The following ATP11A variants were observed in gnomAD, a reference collection of about 807,000 sequenced individuals.
ATP11A encodes the protein phospholipid-transporting ATPase IH.
A neutral mutation model predicts 154.4 loss-of-function variants in ATP11A; 81 were observed. The ratio of observed to expected loss-of-function variants is 0.52; its 90% CI spans 0.44 to 0.63. The LOEUF is 0.63. Ranked by LOEUF, ATP11A falls within the 30% of genes least tolerant of loss-of-function variation. The pLI is 0.00. For missense variants in ATP11A, 1,316 were observed against 1,474.3 expected (o/e 0.89, Z 1.76); for synonymous variants, 623 against 585.9 (o/e 1.06, Z -0.91).
chr13:112,715,069 C>T (rs1025409999), intron 1 of ATP11A, among the ~76,000 whole-genome samples: 1 of 152,224 alleles, frequency 6.6e-6, no homozygotes, highest in African/African-American at 2.4e-5. Context: ...ACAAAGTCCA[C>T]AAGGGTCCCT....
intron 1 of ATP11A, among the ~76,000 whole-genome samples, chr13:112,748,524 C>T (rs528388213): frequency 9.2e-5 from 14 of 152,264 alleles, no homozygotes; most frequent in African/African-American, 3.4e-4. Flanking sequence ...CGCTCCCACA[C>T]CCAGCCAATT....
chr13:112,759,971 C>G (rs1382996387), intron 1 of ATP11A, among the ~76,000 whole-genome samples: 5 of 152,196 alleles, frequency 3.3e-5, no homozygotes, highest in African/African-American at 1.2e-4. Context: ...TGAGCTAATT[C>G]CTGTCATCAT....
intron 2 of ATP11A, among the ~76,000 whole-genome samples, chr13:112,791,284 C>T (rs571684771): frequency 3.3e-5 from 5 of 152,340 alleles, no homozygotes; most frequent in Admixed American, 1.3e-4. Flanking sequence ...TGTGGAACCG[C>T]GGCGCCCCCT....
In ATP11A at chr13:112,806,217, T is replaced by A; in HGVS notation, c.257T>A (p.Ile86Asn). 1 of 1,611,716 alleles carries A rather than the reference T, an allele frequency of 6.2e-7. No homozygotes were observed. Among genetic ancestry groups the A allele is most frequent in the Non-Finnish European group, 8.5e-7 (1 of 1,178,664 alleles). The change falls in exon 4 of 30, where the codon ATT (isoleucine) becomes AAT (asparagine). Residue 86 changes from isoleucine to asparagine, a missense_variant. Coordinates refer to ENST00000375645, the MANE Select transcript of ATP11A (RefSeq NM_015205.3). ...YFLIIFLVQL[I>N]IDTPTSPVTS... is the part of the protein sequence containing the mutation. Reference sequence around the variant, plus strand: ...TACAATTCTCTCTTTCTGCAGTTGATTATTGATACACCCACAAGTCCAGTG... The same window carrying A: ...TACAATTCTCTCTTTCTGCAGTTGAATATTGATACACCCACAAGTCCAGTG...
intron 19 of ATP11A, 140 bp from the exon 20 acceptor site, chr13:112,855,771 A>G: frequency 1.4e-6 from 1 of 736,548 alleles, no homozygotes; most frequent in Non-Finnish European, 2.2e-6. Context: ...TACTATAAAA[A>G]TTGTATTGGT....
chr13:112,786,922 T>C (rs1443184176), intron 2 of ATP11A, among the ~76,000 whole-genome samples: 2 of 150,948 alleles, frequency 1.3e-5, no homozygotes, highest in Admixed American at 6.6e-5. Flanking sequence ...CACACCGGTG[T>C]CCTGACGTGT....
chr13:112,882,260 C>T lies in ATP11A; in HGVS notation c.*394C>T, dbSNP rs372289386. On this transcript the variant is annotated 3_prime_UTR_variant, in exon 30 of 30. Coordinates refer to ENST00000375645, the MANE Select transcript of ATP11A (RefSeq NM_015205.3). The surrounding 1 kb of genome is among the most constrained non-coding windows in gnomAD (Gnocchi z 5.1). The stretch of plus-strand genomic sequence containing the variant: ...AGGGACATTCTGCTGGCCCACCCTG[C>T]GCGCTGTCATGCAGAGGCCATTCCC... 2.3e-4 allele frequency: 137 copies of T among 589,506 alleles called. 1 individual carries two copies. The highest frequency in any genetic ancestry group is 2.2e-3 in the African/African-American group (115 of 51,420). The allele number at this position is 589,506 out of a possible 1,614,324, so 36.5% of individuals were successfully genotyped here.
chr13:112,702,524 G>C (rs891849328), intron 1 of ATP11A, among the ~76,000 whole-genome samples: 2 of 152,220 alleles, frequency 1.3e-5, no homozygotes, highest in African/African-American at 4.8e-5. Flanking sequence ...GGCCCGATGT[G>C]CCAGGGTGGG....
At chr13:112,768,519 G>A (rs185656263) in intron 1 of ATP11A, among the ~76,000 whole-genome samples, 1 of 152,340 alleles carries the variant, frequency 6.6e-6, no homozygotes, top group African/African-American at 2.4e-5. Flanking sequence ...CAGTCCTGCA[G>A]TTGTCTTCAT....
chr13:112,776,614 G>T (rs918027468), intron 1 of ATP11A, among the ~76,000 whole-genome samples: 1 of 151,844 alleles, frequency 6.6e-6, no homozygotes, highest in East Asian at 1.9e-4. Flanking sequence ...TTATTTTTTT[G>T]AGACAGAGTC....
intron 4 of ATP11A, among the ~76,000 whole-genome samples, chr13:112,808,525 G>C (rs2078390798): frequency 6.7e-6 from 1 of 150,170 alleles, no homozygotes; most frequent in Admixed American, 6.7e-5. Flanking sequence ...TCTTCCTTGG[G>C]AACAGCGCCT....
chr13:112,784,993 G>C (rs1383198529), intron 1 of ATP11A, 142 bp from the exon 2 acceptor site: 2 of 1,122,220 alleles, frequency 1.8e-6, no homozygotes, highest in East Asian at 3.0e-5. Context: ...TGGGCCCCAG[G>C]TCTCCCTGCA....
At chr13:112,797,348 A>C (rs2078029222) in intron 2 of ATP11A, among the ~76,000 whole-genome samples, 2 of 151,822 alleles carry the variant, frequency 1.3e-5, no homozygotes. Context: ...AAGAAGAGAG[A>C]AGAAATATCT....
intron 2 of ATP11A, among the ~76,000 whole-genome samples, chr13:112,803,130 C>T (rs1282982352): frequency 2.0e-5 from 3 of 152,126 alleles, no homozygotes; most frequent in African/African-American, 7.2e-5. Flanking sequence ...GGTAAAATCA[C>T]TTTGTAAATG....
chr13:112,728,426 C>T (rs766248796), intron 1 of ATP11A, among the ~76,000 whole-genome samples: 13 of 150,034 alleles, frequency 8.7e-5, no homozygotes, highest in Non-Finnish European at 1.9e-4. Flanking sequence ...CCTGTATGTA[C>T]CACGTTGTCA....
chr13:112,820,123 C>G (rs1266342050), intron 8 of ATP11A, among the ~76,000 whole-genome samples, 173 bp downstream of exon 8: 1 of 152,202 alleles, frequency 6.6e-6, no homozygotes, highest in Non-Finnish European at 1.5e-5. Flanking sequence ...CTCAGGCACA[C>G]ATCTGTGAAT....
chr13:112,813,504 C>G (rs753046829), intron 5 of ATP11A, among the ~76,000 whole-genome samples: 58 of 152,196 alleles, frequency 3.8e-4, no homozygotes, highest in Non-Finnish European at 5.1e-4. Flanking sequence ...TTTCACCATT[C>G]ACAAGTTGAA....
Position 112,785,412 on chromosome 13 carries a change from C to T in ATP11A, c.162+155C>T, listed in dbSNP as rs575773138. ...CAAGGGCTTCGGATCAGGACCTCACCGAGGGCGCTACTCTCTCCCTCTCGG... is the reference window on the plus strand; with the variant it reads ...CAAGGGCTTCGGATCAGGACCTCACTGAGGGCGCTACTCTCTCCCTCTCGG... On this transcript the variant is annotated intron_variant, in intron 2 of 29. Coordinates refer to ENST00000375645, the MANE Select transcript of ATP11A (RefSeq NM_015205.3). This position sits in a 1 kb window ranked among gnomAD's most constrained non-coding sequence, Gnocchi z 4.8. 9.2e-5 allele frequency among the ~76,000 whole-genome samples: 14 copies of T among 151,838 alleles called. No homozygotes were observed. The highest frequency in any genetic ancestry group is 3.9e-4 in the Admixed American group (6 of 15,252).
chr13:112,811,161 A>AACACACCCACACACAC (rs2078485156), intron 5 of ATP11A, among the ~76,000 whole-genome samples: 1 of 115,582 alleles, frequency 8.7e-6, no homozygotes, highest in Non-Finnish European at 1.7e-5. Context: ...TGCCCCTTCC[A>AACACACCCACACACAC]ACACACACAC....
Sources: allele counts gnomAD v4.1 joint callset (sites outside exome capture counted in the v4.1 genomes callset), GRCh38; gene constraint gnomAD v4.1.1; non-coding constraint Gnocchi (gnomAD v3.1); transcripts MANE v1.5; gene names NCBI Gene and HGNC (gene_info 2026-07-23, HGNC 2026-07-21).